Variants in METAP1 observed in about 807,000 individuals in gnomAD.
METAP1 encodes the protein methionyl aminopeptidase 1.
Under a neutral mutation model 53.8 loss-of-function variants are expected in METAP1, and 28 were observed. The ratio of observed to expected loss-of-function variants is 0.52; its 90% CI spans 0.39 to 0.71. The LOEUF (loss-of-function observed/expected upper bound fraction) is 0.71. Among genes scored for constraint, METAP1 ranks in the 30% least tolerant of loss-of-function variants. METAP1 has a pLI of 0.00. For synonymous variants in METAP1, 181 were observed against 165.7 expected (o/e 1.09, Z -0.71); for missense variants, 389 against 479.8 (o/e 0.81, Z 1.77).
At chr4:99,051,268 A>G (rs961917319) in intron 9 of METAP1, among the ~76,000 whole-genome samples, 1 of 152,262 alleles carries the variant, frequency 6.6e-6, no homozygotes, top group African/African-American at 2.4e-5. Context: ...GTCAGTGGTT[A>G]TAGTGTCAGC....
chr4:99,031,101 G>GTTTTTTTTTTTTT (rs56082818), intron 2 of METAP1, among the ~76,000 whole-genome samples: 11 of 109,914 alleles, frequency 1.0e-4, no homozygotes, highest in East Asian at 6.2e-4. Context: ...CTCAAAGGTA[G>GTTTTTTTTTTTTT]TTTTTTTTTT....
At chr4:99,026,279 C>A (rs969842036) in intron 1 of METAP1, 1 of 984,700 alleles carries the variant, frequency 1.0e-6, no homozygotes, top group African/African-American at 1.7e-5. Context: ...AAAGTTTTAC[C>A]TACTAGTTAT....
chr4:99,020,133 A>G (rs1724004050), intron 1 of METAP1, among the ~76,000 whole-genome samples: 1 of 152,076 alleles, frequency 6.6e-6, no homozygotes, highest in Non-Finnish European at 1.5e-5. Context: ...AGCTCTGCAG[A>G]TCATGTTCCG....
At chr4:99,003,781 G>A (rs1459387976) in intron 1 of METAP1, among the ~76,000 whole-genome samples, 1 of 152,144 alleles carries the variant, frequency 6.6e-6, no homozygotes, top group Non-Finnish European at 1.5e-5. Flanking sequence ...AAACCTATGG[G>A]GGTTTCTCCT....
chr4:99,010,421 A>G (rs952574981), intron 1 of METAP1, among the ~76,000 whole-genome samples: 1 of 152,150 alleles, frequency 6.6e-6, no homozygotes, highest in Non-Finnish European at 1.5e-5. Context: ...GTGCCACTGC[A>G]CTCCAGCTTA....
intron 1 of METAP1, among the ~76,000 whole-genome samples, chr4:99,013,716 A>G (rs1262412805): frequency 1.3e-5 from 2 of 152,212 alleles, no homozygotes; most frequent in African/African-American, 2.4e-5. Flanking sequence ...AAGGACAAAG[A>G]AAAGAGGAAG....
rs912498204 is a variant in METAP1, at chr4:99,031,669, A to T, written c.167-2561A>T. The T allele has an allele frequency of 7.0e-6, 7 of 1,003,256 alleles. No homozygotes were observed. The East Asian group carries it at 1.8e-4, about 26-fold the overall frequency. 62.1% of individuals were successfully genotyped at this position (1,003,256 alleles called of 1,614,324 possible). A position where few individuals can be genotyped will look rare whatever the true frequency, so the allele number is the denominator to read the frequency against. On this transcript the variant is annotated intron_variant, in intron 2 of 10. Coordinates refer to ENST00000296411, the MANE Select transcript of METAP1 (RefSeq NM_015143.3). ...AGCATGTGTACCATGCATAGTAAGT[A>T]CTCAAAAACTAATAATCATCTCTGG... is the stretch of plus-strand genomic sequence containing the variant.
chr4:98,999,614 G>A (rs993367888), intron 1 of METAP1, among the ~76,000 whole-genome samples: 1 of 148,610 alleles, frequency 6.7e-6, no homozygotes, highest in African/African-American at 2.5e-5. Flanking sequence ...GGGTTCAAGC[G>A]ATTCTGCTGC....
chr4:99,039,286 T>C (rs772631941), intron 4 of METAP1, 88 bp from the exon 5 acceptor site: 4 of 742,750 alleles, frequency 5.4e-6, no homozygotes, highest in East Asian at 5.3e-5. Flanking sequence ...GTGAGACTAC[T>C]GTTTTTATGC....
rs772432483 is a variant in METAP1, at chr4:99,045,286, T to A, written c.763T>A (p.Cys255Ser). 3 of 1,613,770 alleles carry A rather than the reference T, an allele frequency of 1.9e-6. No homozygotes were observed. The highest frequency in any genetic ancestry group is 2.5e-6 in the Non-Finnish European group (3 of 1,179,772). The change falls in exon 8 of 11, where the codon TGC (cysteine) becomes AGC (serine). Residue 255 changes from cysteine (C) to serine (S), a missense_variant. Coordinates refer to ENST00000296411, the MANE Select transcript of METAP1 (RefSeq NM_015143.3). ...GAAACTTGTTCAGACCACATATGAG[T>A]GCCTGATGCAAGCCATTGATGCAGG... is the stretch of plus-strand genomic sequence containing the variant. Reference protein sequence around the residue: ...ARKLVQTTYECLMQAIDAVKP... With the variant: ...ARKLVQTTYESLMQAIDAVKP...
intron 10 of METAP1, 77 bp from the exon 11 acceptor site, chr4:99,061,077 T>C: frequency 2.0e-6 from 3 of 1,485,676 alleles, no homozygotes. Context: ...AGTAGTGAAT[T>C]TTTTCCTTGG....
chr4:99,051,510 G>A (rs944472532), intron 9 of METAP1, among the ~76,000 whole-genome samples: 2 of 151,944 alleles, frequency 1.3e-5, no homozygotes, highest in African/African-American at 4.8e-5. Flanking sequence ...TCCTACCTCA[G>A]CCTCCTGAGT....
intron 1 of METAP1, chr4:99,022,325 C>G: frequency 1.2e-6 from 1 of 834,376 alleles, no homozygotes; most frequent in Non-Finnish European, 1.7e-6. Context: ...GAGTCCCTGA[C>G]CAGGGAAGAT....
intron 1 of METAP1, among the ~76,000 whole-genome samples, chr4:99,005,070 T>G (rs1405237679): frequency 2.0e-5 from 3 of 152,186 alleles, no homozygotes; most frequent in African/African-American, 7.2e-5. Context: ...AGGATATGTG[T>G]TTAGCTTTAC....
chr4:99,056,392 A>G (rs575978332), intron 9 of METAP1, among the ~76,000 whole-genome samples: 5 of 152,218 alleles, frequency 3.3e-5, no homozygotes, highest in African/African-American at 9.6e-5. Context: ...TGGTCACTGT[A>G]ATTTATTGTT....
intron 8 of METAP1, among the ~76,000 whole-genome samples, chr4:99,046,932 G>GAAAAAA (rs1553946553): frequency 6.7e-5 from 1 of 14,898 alleles, no homozygotes. Flanking sequence ...ATCAACTGAA[G>GAAAAAA]AAACAAAAAA....
chr4:99,019,322 T>G (rs1723952218), intron 1 of METAP1, among the ~76,000 whole-genome samples: 1 of 152,050 alleles, frequency 6.6e-6, no homozygotes, highest in Non-Finnish European at 1.5e-5. Flanking sequence ...GGACTCAAGG[T>G]GGAAAAGAAA....
intron 9 of METAP1, among the ~76,000 whole-genome samples, chr4:99,050,575 A>C (rs1160693132): frequency 6.6e-6 from 1 of 152,190 alleles, no homozygotes; most frequent in Non-Finnish European, 1.5e-5. Context: ...GCAGACAGGT[A>C]CCAATCCATG....
At chr4:99,002,757 A>G (rs981482369) in intron 1 of METAP1, among the ~76,000 whole-genome samples, 2 of 152,198 alleles carry the variant, frequency 1.3e-5, no homozygotes, top group Non-Finnish European at 2.9e-5. Context: ...GAGCTGTGCC[A>G]TGTCTGTTGG....
Sources: allele counts gnomAD v4.1 joint callset (sites outside exome capture counted in the v4.1 genomes callset), GRCh38; gene constraint gnomAD v4.1.1; transcripts MANE v1.5; gene names NCBI Gene and HGNC (gene_info 2026-07-23, HGNC 2026-07-21).